The following C8orf34 variants were observed in gnomAD, a reference collection of about 807,000 sequenced individuals.
C8orf34 encodes chromosome 8 open reading frame 34.
A neutral mutation model predicts 68.3 loss-of-function variants in C8orf34; 65 were observed. That is an observed-to-expected ratio of 0.95 (90% CI 0.78 to 1.17). The LOEUF is 1.17. Among genes scored for constraint, C8orf34 ranks in the 50% most tolerant of loss-of-function variants. C8orf34 has a pLI of 0.00. For missense variants in C8orf34, 664 were observed against 655.4 expected, an observed-to-expected ratio of 1.01 and a Z score of -0.14; for synonymous variants, 244 against 241.2, an observed-to-expected ratio of 1.01 and a Z score of -0.11.
chr8:68,359,699 G>A (rs967033920), intron 1 of C8orf34, among the ~76,000 whole-genome samples: 3 of 152,092 alleles, frequency 2.0e-5, no homozygotes, highest in Non-Finnish European at 4.4e-5. Context: ...ATTGAGAATT[G>A]TGGATAGTGC....
chr8:68,380,909 T>C (rs1316433131), intron 1 of C8orf34, among the ~76,000 whole-genome samples: 1 of 152,330 alleles, frequency 6.6e-6, no homozygotes, highest in East Asian at 1.9e-4. Context: ...CATTATGCCC[T>C]GAGGCTTTAT....
intron 7 of C8orf34, among the ~76,000 whole-genome samples, chr8:68,624,715 G>A (rs558691713): frequency 6.6e-6 from 1 of 152,114 alleles, no homozygotes; most frequent in Non-Finnish European, 1.5e-5. Context: ...AATATAGACA[G>A]TTCCTGCCCT....
At chr8:68,755,294 A>G (rs565873478) in intron 10 of C8orf34, among the ~76,000 whole-genome samples, 1 of 152,312 alleles carries the variant, frequency 6.6e-6, no homozygotes, top group African/African-American at 2.4e-5. Context: ...CTGACACTGA[A>G]AATTTTGAGT....
intron 1 of C8orf34, among the ~76,000 whole-genome samples, chr8:68,350,210 A>T (rs1806453165): frequency 6.6e-6 from 1 of 150,934 alleles, no homozygotes; most frequent in African/African-American, 2.4e-5. Flanking sequence ...TACTGCCTTA[A>T]TTTCATTACT....
At chr8:68,614,191 C>A (rs1407982787) in intron 7 of C8orf34, among the ~76,000 whole-genome samples, 3 of 151,650 alleles carry the variant, frequency 2.0e-5, no homozygotes, top group Non-Finnish European at 4.4e-5. Flanking sequence ...GGATATTAGC[C>A]CTTTGTCAGA....
intron 4 of C8orf34, among the ~76,000 whole-genome samples, chr8:68,471,659 T>C (rs1405782933): frequency 1.3e-5 from 2 of 152,122 alleles, no homozygotes; most frequent in Non-Finnish European, 2.9e-5. Context: ...GGTACCTTCA[T>C]AAGGAATATT....
intron 1 of C8orf34, among the ~76,000 whole-genome samples, chr8:68,393,771 G>A (rs1207498039): frequency 6.6e-6 from 1 of 152,102 alleles, no homozygotes; most frequent in Non-Finnish European, 1.5e-5. Flanking sequence ...AATCATTGAA[G>A]GGCTTTGAAC....
At chr8:68,464,550 T>C (rs886174485) in intron 3 of C8orf34, among the ~76,000 whole-genome samples, 2 of 152,016 alleles carry the variant, frequency 1.3e-5, no homozygotes, top group African/African-American at 4.8e-5. Flanking sequence ...CTTCAAACTA[T>C]ACTACAAGCC....
At chr8:68,648,943 T>C (rs1410440612) in intron 8 of C8orf34, among the ~76,000 whole-genome samples, 1 of 152,234 alleles carries the variant, frequency 6.6e-6, no homozygotes, top group Non-Finnish European at 1.5e-5. Context: ...TTTCAAATTG[T>C]CTATATTATT....
At position 68,819,007 on chromosome 8, in the gene C8orf34, T is replaced by C. The variant is rs1372772451; in HGVS notation, c.*761T>C. The C allele has an allele frequency of 6.6e-6, 1 of 152,166 alleles. No individual in the cohort carries two copies. Among genetic ancestry groups the C allele is most frequent in the African/African-American group, 2.4e-5 (1 of 41,442 alleles). The allele number at this position is 152,166 out of a possible 1,614,324, so 9.4% of individuals were successfully genotyped here. ...TGTTAAGTGAATGGATCTAAGTAAA[T>C]CTATTGATATCTCTACTGTCTGTTT... On this transcript the variant is annotated 3_prime_UTR_variant, in exon 14 of 14. Transcript: ENST00000518698.
chr8:68,360,231 A>G (rs1388035753), intron 1 of C8orf34, among the ~76,000 whole-genome samples: 1 of 152,148 alleles, frequency 6.6e-6, no homozygotes. Flanking sequence ...GTCTTTGCCA[A>G]ATTAGTCCTG....
chr8:68,743,408 G>C (rs1056114480), intron 10 of C8orf34, among the ~76,000 whole-genome samples: 1 of 152,202 alleles, frequency 6.6e-6, no homozygotes, highest in African/African-American at 2.4e-5. Flanking sequence ...CTCCCAGCAT[G>C]AGCGACGCAG....
intron 7 of C8orf34, among the ~76,000 whole-genome samples, chr8:68,607,074 T>C (rs899824762): frequency 6.6e-6 from 1 of 152,098 alleles, no homozygotes; most frequent in African/African-American, 2.4e-5. Context: ...CTGTGTTTCT[T>C]ATCGTCAATC....
chr8:68,362,462 C>T (rs562741520), intron 1 of C8orf34, among the ~76,000 whole-genome samples: 1 of 152,334 alleles, frequency 6.6e-6, no homozygotes, highest in Admixed American at 6.5e-5. Flanking sequence ...CTACAGCTCC[C>T]AGCGTGAGCG....
At chr8:68,597,956 T>A (rs1294212980) in intron 7 of C8orf34, among the ~76,000 whole-genome samples, 2 of 152,150 alleles carry the variant, frequency 1.3e-5, no homozygotes, top group African/African-American at 4.8e-5. Context: ...TGTGACCTTG[T>A]TTTTGATACT....
At chr8:68,511,193 A>T (rs1323563737) in intron 5 of C8orf34, among the ~76,000 whole-genome samples, 1 of 152,264 alleles carries the variant, frequency 6.6e-6, no homozygotes, top group African/African-American at 2.4e-5. Context: ...GCACTCAAAC[A>T]TAAATTTAAT....
chr8:68,663,886 CAA>C lies in C8orf34; in HGVS notation c.1241+23377_1241+23378del, dbSNP rs1259777141. Reference sequence around the variant, plus strand: ...GCAAAATAGACAATAAGTTTAGAGACAAAGTGTTTGGGGCAAAGAAAGTGACT... The same window carrying C: ...GCAAAATAGACAATAAGTTTAGAGACAGTGTTTGGGGCAAAGAAAGTGACT... On this transcript the variant is annotated intron_variant, in intron 8 of 13. Transcript: ENST00000518698. Among the ~76,000 whole-genome samples the C allele has an allele frequency of 2.0e-5, 3 of 152,250 alleles. No individual in the cohort carries two copies. The East Asian group carries it at 5.8e-4, about 29-fold the overall frequency.
chr8:68,476,807 G>A (rs1159416567), intron 4 of C8orf34, among the ~76,000 whole-genome samples: 1 of 152,144 alleles, frequency 6.6e-6, no homozygotes, highest in Non-Finnish European at 1.5e-5. Context: ...ATGTCAAAAG[G>A]TGAATCATAG....
intron 5 of C8orf34, among the ~76,000 whole-genome samples, chr8:68,492,874 G>A (rs1267832308): frequency 6.6e-6 from 1 of 151,780 alleles, no homozygotes; most frequent in African/African-American, 2.4e-5. Flanking sequence ...CCAGTATTCT[G>A]AAAAAATCCA....
Sources: allele counts gnomAD v4.1 joint callset (sites outside exome capture counted in the v4.1 genomes callset), GRCh38; gene constraint gnomAD v4.1.1; transcripts MANE v1.5; gene names NCBI Gene and HGNC (gene_info 2026-07-23, HGNC 2026-07-21).